The following RPA1 variants were observed in gnomAD, a reference collection of about 807,000 sequenced individuals.
RPA1 encodes replication protein A 70 kDa DNA-binding subunit.
RPA1 carries 49 observed loss-of-function variants against 83.0 expected under a neutral mutation model. The observed-to-expected ratio is 0.59, with a 90% CI of 0.47 to 0.75. The LOEUF is 0.75. RPA1 is among the 30% of genes least tolerant of loss of function. The pLI, the probability that RPA1 is intolerant of heterozygous loss-of-function variation, is 0.00. For synonymous variants in RPA1, 279 were observed against 281.8 expected (o/e 0.99, Z 0.10); for missense variants, 693 against 776.1 (o/e 0.89, Z 1.27).
chr17:1,893,582 A>G (rs1914278459), intron 15 of RPA1, among the ~76,000 whole-genome samples: 1 of 152,150 alleles, frequency 6.6e-6, no homozygotes, highest in Admixed American at 6.5e-5. Flanking sequence ...TTTTTTTGTC[A>G]AAGGTCTCAA....
chr17:1,843,029 T>C (rs904711142), intron 2 of RPA1, among the ~76,000 whole-genome samples, 176 bp downstream of exon 2: 5 of 152,098 alleles, frequency 3.3e-5, no homozygotes, highest in African/African-American at 1.2e-4. Context: ...TTTGAAAATG[T>C]TACTACGTGA....
rs1914498020 is a variant in RPA1, at chr17:1,897,718, A to G, written c.*543A>G. On this transcript the variant is annotated 3_prime_UTR_variant, in exon 17 of 17. Coordinates refer to ENST00000254719, the MANE Select transcript of RPA1 (RefSeq NM_002945.5). ...AATGCTTGGAATGGCAATAGGGTAG[A>G]ATGATTAATCAAAGGCATATCTTCT... 2 of 157,054 alleles carry G rather than the reference A, an allele frequency of 1.3e-5. No homozygotes were observed. Among genetic ancestry groups the G allele is most frequent in the African/African-American group, 4.8e-5 (2 of 41,580 alleles). 9.7% of individuals were successfully genotyped at this position (157,054 alleles called of 1,614,324 possible). A position where few individuals can be genotyped will look rare whatever the true frequency, so the allele number is the denominator to read the frequency against.
intron 5 of RPA1, among the ~76,000 whole-genome samples, chr17:1,869,400 TG>T (rs1913297253): frequency 6.6e-6 from 1 of 152,032 alleles, no homozygotes; most frequent in Non-Finnish European, 1.5e-5. Flanking sequence ...TAGCTGGGTG[TG>T]GTGGCCAGCG....
At chr17:1,839,647 T>C (rs1911965666) in intron 1 of RPA1, among the ~76,000 whole-genome samples, 1 of 151,780 alleles carries the variant, frequency 6.6e-6, no homozygotes, top group Non-Finnish European at 1.5e-5. Context: ...TTTTTTTTTT[T>C]TTTGAGACAG....
intron 14 of RPA1, among the ~76,000 whole-genome samples, chr17:1,890,384 C>T (rs1231796558): frequency 1.3e-5 from 2 of 150,548 alleles, no homozygotes; most frequent in East Asian, 2.0e-4. Context: ...ATAAATAGGC[C>T]GGGCACGGTG....
intron 1 of RPA1, among the ~76,000 whole-genome samples, chr17:1,836,710 G>A (rs1484876434): frequency 6.6e-6 from 1 of 151,288 alleles, no homozygotes. Flanking sequence ...CACCCAGGCT[G>A]GAGTGCAGCG....
At chr17:1,883,318 C>T (rs1192181112) in intron 12 of RPA1, among the ~76,000 whole-genome samples, 1 of 152,100 alleles carries the variant, frequency 6.6e-6, no homozygotes, top group African/African-American at 2.4e-5. Context: ...CACCCACCAC[C>T]ACGCCCGGCT....
chr17:1,875,465 G>C (rs1202413007), intron 6 of RPA1, among the ~76,000 whole-genome samples, 196 bp from the exon 7 acceptor site: 9 of 152,136 alleles, frequency 5.9e-5, no homozygotes, highest in Admixed American at 5.9e-4. Context: ...CTTCATCCTA[G>C]ATTGCTTTTG....
chr17:1,832,442 A>G (rs909394686), intron 1 of RPA1, among the ~76,000 whole-genome samples: 33 of 152,044 alleles, frequency 2.2e-4, no homozygotes, highest in African/African-American at 8.0e-4. Context: ...GCTGGAGTGC[A>G]GTGGCACGAT....
At position 1,856,810 on chromosome 17, in the gene RPA1, C is replaced by CAT. The variant is rs908773437; in HGVS notation, c.361+3632_361+3633dup. 3.4e-4 allele frequency among the ~76,000 whole-genome samples: 52 copies of CAT among 151,032 alleles called. 1 individual carries two copies. Among genetic ancestry groups the CAT allele is most frequent in the South Asian group, 2.1e-3 (10 of 4,804 alleles). The stretch of plus-strand genomic sequence containing the variant: ...GCCTCCCAAAGTGCTGGAATTATAG[C>CAT]ATATATATATATTATATAACATACA... On this transcript the variant is annotated intron_variant, in intron 5 of 16. Transcript: ENST00000254719.
chr17:1,867,990 G>A (rs762625666), intron 5 of RPA1, among the ~76,000 whole-genome samples: 5 of 152,040 alleles, frequency 3.3e-5, no homozygotes, highest in African/African-American at 7.2e-5. Context: ...AGGCCGAGTC[G>A]GGGGATTGCT....
chr17:1,889,541 C>T (rs1371534436), intron 14 of RPA1, among the ~76,000 whole-genome samples: 2 of 152,052 alleles, frequency 1.3e-5, no homozygotes, highest in East Asian at 1.9e-4. Flanking sequence ...GGGTCTCGCT[C>T]TGCTGTTCAG....
intron 1 of RPA1, among the ~76,000 whole-genome samples, chr17:1,834,429 G>T (rs1911733402): frequency 6.6e-6 from 1 of 152,202 alleles, no homozygotes; most frequent in Non-Finnish European, 1.5e-5. Context: ...AATGAAGAAT[G>T]AAAGTTTCAC....
chr17:1,864,403 G>A (rs1913103826), intron 5 of RPA1, among the ~76,000 whole-genome samples: 1 of 151,832 alleles, frequency 6.6e-6, no homozygotes, highest in Non-Finnish European at 1.5e-5. Context: ...GCTGGGCATA[G>A]TGGCACGCGC....
intron 4 of RPA1, among the ~76,000 whole-genome samples, chr17:1,846,666 G>T (rs1005148686): frequency 3.3e-5 from 5 of 152,082 alleles, no homozygotes; most frequent in Non-Finnish European, 5.9e-5. Context: ...TGTTCAGTCT[G>T]CCGATTCAGT....
chr17:1,875,915 G>T, intron 7 of RPA1, 122 bp downstream of exon 7: 9 of 862,804 alleles, frequency 1.0e-5, no homozygotes, highest in East Asian at 3.4e-5. Context: ...AATAGAATGG[G>T]TTTACTCTTT....
At chr17:1,857,002 T>C (rs1456588894) in intron 5 of RPA1, among the ~76,000 whole-genome samples, 1 of 152,060 alleles carries the variant, frequency 6.6e-6, no homozygotes, top group African/African-American at 2.4e-5. Flanking sequence ...TCGGGTTTTG[T>C]ATATTTTTTT....
At chr17:1,853,821 C>T (rs1912589839) in intron 5 of RPA1, among the ~76,000 whole-genome samples, 1 of 152,180 alleles carries the variant, frequency 6.6e-6, no homozygotes, top group Non-Finnish European at 1.5e-5. Context: ...CTTATGTACA[C>T]TTTTGTTTTT....
In RPA1 at chr17:1,890,809, A is replaced by T. The variant is rs17339137; in HGVS notation, c.1552-1024A>T. On this transcript the variant is annotated intron_variant, in intron 14 of 16. Transcript: ENST00000254719. ...AAAATTTGTTTTAGTTTGTGGAAAC[A>T]TCAGCCTTTCTGTTAAACTCCACAG... is the stretch of plus-strand genomic sequence containing the variant. Among the ~76,000 whole-genome samples, 1,336 of 152,358 alleles carry T rather than the reference A, an allele frequency of 8.8e-3. 25 individuals are homozygous for T. The highest frequency in any genetic ancestry group is 0.03 in the African/African-American group (1,267 of 41,582).
Sources: allele counts gnomAD v4.1 joint callset (sites outside exome capture counted in the v4.1 genomes callset), GRCh38; gene constraint gnomAD v4.1.1; transcripts MANE v1.5; gene names NCBI Gene and HGNC (gene_info 2026-07-23, HGNC 2026-07-21).